The following PDE4B variants were observed in gnomAD, a reference collection of about 807,000 sequenced individuals.
PDE4B encodes the protein phosphodiesterase 4B.
A neutral mutation model predicts 82.2 loss-of-function variants in PDE4B; 20 were observed. The observed-to-expected ratio is 0.24, with a 90% CI of 0.17 to 0.35. The LOEUF (loss-of-function observed/expected upper bound fraction) is 0.35, where lower values mean the gene tolerates loss of function less well. Among genes scored for constraint, PDE4B ranks in the 10% least tolerant of loss-of-function variants. The probability of loss-of-function intolerance (pLI) is 1.00; values close to 1 mark genes in which losing one functional copy is unlikely to be tolerated. For synonymous variants in PDE4B, 320 were observed against 318.9 expected (o/e 1.00, Z -0.04); for missense variants, 655 against 907.2 (o/e 0.72, Z 3.57).
intron 7 of PDE4B, among the ~76,000 whole-genome samples, chr1:66,293,694 A>T (rs895084076): frequency 6.6e-6 from 1 of 152,206 alleles, no homozygotes; most frequent in Non-Finnish European, 1.5e-5. Context: ...TTTAAAACAC[A>T]CACACAAAAT....
At chr1:66,100,520 T>C (rs973724831) in intron 3 of PDE4B, among the ~76,000 whole-genome samples, 57 of 152,094 alleles carry the variant, frequency 3.7e-4, no homozygotes, top group African/African-American at 1.4e-3. Context: ...ATTTAAAAAG[T>C]GAATCCTCTA....
intron 7 of PDE4B, among the ~76,000 whole-genome samples, chr1:66,312,935 G>A (rs551800481): frequency 1.3e-5 from 2 of 152,160 alleles, no homozygotes; most frequent in East Asian, 1.9e-4. Flanking sequence ...TGTGTCTTTG[G>A]TTCTGACTGT....
intron 8 of PDE4B, among the ~76,000 whole-genome samples, chr1:66,346,431 C>A (rs1355316224): frequency 6.6e-6 from 1 of 152,178 alleles, no homozygotes; most frequent in Non-Finnish European, 1.5e-5. Context: ...AGCTGGATTT[C>A]TCCAAATAGA....
chr1:65,924,077 ATT>A (rs71058436), intron 3 of PDE4B, among the ~76,000 whole-genome samples: 1 of 40,774 alleles, frequency 2.5e-5, no homozygotes, highest in African/African-American at 6.6e-5. Flanking sequence ...CAGTTTGCTA[ATT>A]TTTTTTTTTT....
chr1:66,214,372 G>A (rs555589385), intron 3 of PDE4B, among the ~76,000 whole-genome samples: 2 of 152,190 alleles, frequency 1.3e-5, no homozygotes, highest in Admixed American at 1.3e-4. Flanking sequence ...GATTTTTGAA[G>A]AGGAAGAAGG....
chr1:65,961,666 A>G (rs1033532442), intron 3 of PDE4B, among the ~76,000 whole-genome samples: 7 of 152,188 alleles, frequency 4.6e-5, no homozygotes, highest in African/African-American at 1.7e-4. Flanking sequence ...TTTCAAGTGC[A>G]GGGTGCATAA....
intron 3 of PDE4B, among the ~76,000 whole-genome samples, chr1:66,125,612 A>C (rs948949137): frequency 6.6e-6 from 1 of 152,234 alleles, no homozygotes; most frequent in Non-Finnish European, 1.5e-5. Flanking sequence ...TACATCAATT[A>C]GCCTATGGTA....
intron 1 of PDE4B, among the ~76,000 whole-genome samples, chr1:65,837,285 C>T (rs557020133): frequency 6.6e-6 from 1 of 152,168 alleles, no homozygotes; most frequent in East Asian, 1.9e-4. Flanking sequence ...AAGTCTGGTT[C>T]ACAGGGATAA....
At chr1:66,288,057 A>G (rs915081757) in intron 7 of PDE4B, among the ~76,000 whole-genome samples, 4 of 152,114 alleles carry the variant, frequency 2.6e-5, no homozygotes, top group Admixed American at 2.0e-4. Context: ...TTATAAAGAA[A>G]AGAGGTTTCG....
chr1:66,117,559 T>C (rs1645620636), intron 3 of PDE4B, among the ~76,000 whole-genome samples: 3 of 152,296 alleles, frequency 2.0e-5, no homozygotes, highest in African/African-American at 4.8e-5. Flanking sequence ...AGGTTTTTTT[T>C]TTCTAAGTTT....
chr1:65,997,022 T>C (rs1459809299), intron 3 of PDE4B, among the ~76,000 whole-genome samples: 4 of 152,160 alleles, frequency 2.6e-5, no homozygotes, highest in African/African-American at 7.2e-5. Flanking sequence ...TTTTATAACC[T>C]TCCCTTCTTT....
intron 3 of PDE4B, among the ~76,000 whole-genome samples, chr1:66,138,014 A>AT (rs1447000371): frequency 1.1e-3 from 175 of 152,308 alleles, no homozygotes; most frequent in African/African-American, 4.0e-3. Flanking sequence ...ATTATAGAGA[A>AT]AGAAACTGAA....
intron 7 of PDE4B, among the ~76,000 whole-genome samples, chr1:66,281,295 G>A (rs890281244): frequency 1.3e-5 from 2 of 152,222 alleles, no homozygotes; most frequent in East Asian, 1.9e-4. Flanking sequence ...ATCTTTAACA[G>A]GGAACAGTTT....
At chr1:65,945,677 C>T (rs532310456) in intron 3 of PDE4B, among the ~76,000 whole-genome samples, 35 of 152,124 alleles carry the variant, frequency 2.3e-4, no homozygotes, top group Non-Finnish European at 4.6e-4. Flanking sequence ...CTGTCTCTAT[C>T]ACTGTGGCTA....
At chr1:65,805,936 G>A (rs964731512) in intron 1 of PDE4B, among the ~76,000 whole-genome samples, 1 of 152,028 alleles carries the variant, frequency 6.6e-6, no homozygotes, top group Non-Finnish European at 1.5e-5. Context: ...ATGTACCTGG[G>A]TGCAGGTCAT....
chr1:66,284,141 G>C (rs938329478), intron 7 of PDE4B, among the ~76,000 whole-genome samples: 7 of 152,170 alleles, frequency 4.6e-5, no homozygotes, highest in Middle Eastern at 6.3e-3. Context: ...AAGTGCTCTG[G>C]AAGGACACAG....
At chr1:66,083,238 G>A (rs549186687) in intron 3 of PDE4B, among the ~76,000 whole-genome samples, 43 of 152,192 alleles carry the variant, frequency 2.8e-4, no homozygotes, top group Middle Eastern at 6.8e-3. Flanking sequence ...TAGCTCGCTT[G>A]TGCCTCCTCT....
At chr1:65,974,968 T>C (rs1239688726) in intron 3 of PDE4B, among the ~76,000 whole-genome samples, 1 of 152,210 alleles carries the variant, frequency 6.6e-6, no homozygotes, top group East Asian at 1.9e-4. Context: ...GGCACTCTTA[T>C]AAAGACAGCT....
At chr1:65,993,060 A>T in intron 3 of PDE4B, 1 of 1,613,988 alleles carries the variant, frequency 6.2e-7, no homozygotes. Context: ...CAGTTCACCA[A>T]GGAACTCACC....
Sources: allele counts gnomAD v4.1 joint callset (sites outside exome capture counted in the v4.1 genomes callset), GRCh38; gene constraint gnomAD v4.1.1; transcripts MANE v1.5; gene names NCBI Gene and HGNC (gene_info 2026-07-23, HGNC 2026-07-21).